PRKAG2: variants seen among roughly 807,000 people sequenced by gnomAD.
The protein encoded by PRKAG2 is protein kinase AMP-activated non-catalytic subunit gamma 2.
In PRKAG2, 26 loss-of-function variants were observed where a neutral mutation model predicts 69.6. The ratio of observed to expected loss-of-function variants is 0.37; its 90% CI spans 0.27 to 0.52. The LOEUF is 0.52. Among genes scored for constraint, PRKAG2 ranks in the 20% least tolerant of loss-of-function variants. PRKAG2 has a pLI of 0.90. For synonymous variants in PRKAG2, 293 were observed against 285.0 expected, an observed-to-expected ratio of 1.03 and a Z score of -0.28; for missense variants, 557 against 740.0, an observed-to-expected ratio of 0.75 and a Z score of 2.87.
intron 3 of PRKAG2, among the ~76,000 whole-genome samples, chr7:151,688,868 T>A (rs537509274): frequency 6.6e-6 from 1 of 152,250 alleles, no homozygotes; most frequent in African/African-American, 2.4e-5. Context: ...GTTTTAGGAA[T>A]CTGTATTCCG....
chr7:151,649,353 T>G (rs527438778), intron 4 of PRKAG2, among the ~76,000 whole-genome samples: 1 of 152,196 alleles, frequency 6.6e-6, no homozygotes, highest in African/African-American at 2.4e-5. Flanking sequence ...CTTGAACTCC[T>G]GATCTCAAGT....
intron 5 of PRKAG2, among the ~76,000 whole-genome samples, chr7:151,623,492 C>T (rs546505210): frequency 1.1e-3 from 169 of 150,762 alleles, no homozygotes; most frequent in Non-Finnish European, 1.9e-3. Flanking sequence ...TGATAGGAGG[C>T]GGAGCTCGGG....
intron 14 of PRKAG2, among the ~76,000 whole-genome samples, chr7:151,560,976 C>T (rs1426688538): frequency 6.6e-6 from 1 of 152,106 alleles, no homozygotes; most frequent in East Asian, 1.9e-4. Flanking sequence ...GGAAAGTAGC[C>T]ACAGACAGAC....
chr7:151,619,237 A>T (rs1820895781), intron 5 of PRKAG2, among the ~76,000 whole-genome samples: 1 of 152,220 alleles, frequency 6.6e-6, no homozygotes, highest in Admixed American at 6.5e-5. Context: ...CAGGGAAGAA[A>T]ACCCAGTGAT....
intron 1 of PRKAG2, among the ~76,000 whole-genome samples, chr7:151,796,405 T>C (rs1215216050): frequency 6.6e-6 from 1 of 152,170 alleles, no homozygotes; most frequent in East Asian, 1.9e-4. Context: ...CAACAGGAAA[T>C]GGCCAAATGT....
Position 151,835,603 on chromosome 7 carries a change from C to T in PRKAG2, c.114+40904G>A, listed in dbSNP as rs960305538. Among the ~76,000 whole-genome samples, 1 of 152,178 alleles carries T rather than the reference C, an allele frequency of 6.6e-6. No homozygotes were observed. Among genetic ancestry groups the T allele is most frequent in the Non-Finnish European group, 1.5e-5 (1 of 68,036 alleles). ...GGGAGCCTTCCTAAAGGCGTAAGCTCGCCTTTAGGAACCACTCTCGTTGTG... is the reference window on the plus strand; with the variant it reads ...GGGAGCCTTCCTAAAGGCGTAAGCTTGCCTTTAGGAACCACTCTCGTTGTG... On this transcript the variant is annotated intron_variant, in intron 1 of 15. Coordinates refer to ENST00000287878, the MANE Select transcript of PRKAG2 (RefSeq NM_016203.4). This position sits in a 1 kb window ranked among gnomAD's most constrained non-coding sequence, Gnocchi z 4.1.
chr7:151,856,453 T>C (rs1028546898), intron 1 of PRKAG2, among the ~76,000 whole-genome samples: 4 of 152,048 alleles, frequency 2.6e-5, no homozygotes, highest in African/African-American at 9.7e-5. Flanking sequence ...CAAATTAGGA[T>C]GTAGGGGGAG....
At chr7:151,791,426 G>A (rs1234375340) in intron 1 of PRKAG2, among the ~76,000 whole-genome samples, 1 of 152,188 alleles carries the variant, frequency 6.6e-6, no homozygotes, top group African/African-American at 2.4e-5. Flanking sequence ...TCTACTCCCA[G>A]TCCAGTCCCT....
chr7:151,623,820 G>C (rs1822144228), intron 5 of PRKAG2, among the ~76,000 whole-genome samples: 2 of 152,108 alleles, frequency 1.3e-5, no homozygotes, highest in African/African-American at 2.4e-5. Context: ...TACATCGTAT[G>C]TATGTATAAG....
chr7:151,761,934 G>C (rs1183389016), intron 3 of PRKAG2, among the ~76,000 whole-genome samples: 3 of 152,182 alleles, frequency 2.0e-5, no homozygotes, highest in Non-Finnish European at 4.4e-5. Flanking sequence ...TTGTTGTTAG[G>C]GGACGCACGT....
chr7:151,676,472 G>C (rs1390609437), intron 3 of PRKAG2, among the ~76,000 whole-genome samples: 2 of 152,056 alleles, frequency 1.3e-5, no homozygotes, highest in African/African-American at 4.8e-5. Context: ...AATGGGAGGG[G>C]CAACGGTGTT....
Position 151,574,843 on chromosome 7 carries a change from T to TAGCTGTACATACA in PRKAG2, c.1005+47_1005+48insTGTATGTACAGCT, listed in dbSNP as rs1444301345. 1.9e-6 allele frequency: 3 copies of TAGCTGTACATACA among 1,612,696 alleles called. No homozygotes were observed. The African/African-American group carries it at 4.0e-5, about 22-fold the overall frequency. On this transcript the variant is annotated intron_variant, in intron 8 of 15. Transcript: ENST00000287878. Reference sequence around the variant, plus strand: ...ACACACATATACCTACACACATACATAGATACGTACAGCTCCAACTACTGA... The same window carrying TAGCTGTACATACA: ...ACACACATATACCTACACACATACATAGCTGTACATACAAGATACGTACAGCTCCAACTACTGA...
At chr7:151,876,331 G>T (rs1204382663) in intron 1 of PRKAG2, among the ~76,000 whole-genome samples, 176 bp downstream of exon 1, 3 of 152,030 alleles carry the variant, frequency 2.0e-5, no homozygotes, top group African/African-American at 7.2e-5. Context: ...GAGAGATTGA[G>T]CCCCGGCTCC....
At position 151,850,170 on chromosome 7, in the gene PRKAG2, C is replaced by T. The variant is rs532117383; in HGVS notation, c.114+26337G>A. ...AAGCGGGAGGGGGGTGCAGGGGAAC[C>T]GTAGCACCAATTACCCATAGTGGGC... On this transcript the variant is annotated intron_variant, in intron 1 of 15. Coordinates refer to ENST00000287878, the MANE Select transcript of PRKAG2 (RefSeq NM_016203.4). The surrounding 1 kb of genome is among the most constrained non-coding windows in gnomAD (Gnocchi z 4.1). 5.1e-4 allele frequency among the ~76,000 whole-genome samples: 77 copies of T among 152,246 alleles called. No individual in the cohort carries two copies. The highest frequency in any genetic ancestry group is 1.7e-3 in the African/African-American group (70 of 41,536).
rs955795886 is a variant in PRKAG2 at position 151,863,184 on chromosome 7, G to A, written c.114+13323C>T. On this transcript the variant is annotated intron_variant, in intron 1 of 15. Transcript: ENST00000287878. ...AGGGGGCGCTGGTAGATCCCCGGGT[G>A]CAGGGGGTGCTGGTAGGTCCCCGGG... Among the ~76,000 whole-genome samples the A allele has an allele frequency of 5.4e-4, 81 of 150,920 alleles. 1 individual carries two copies. The highest frequency in any genetic ancestry group is 8.9e-5 in the Non-Finnish European group (6 of 67,634).
At chr7:151,783,088 T>C (rs1190762561) in intron 2 of PRKAG2, among the ~76,000 whole-genome samples, 1 of 152,166 alleles carries the variant, frequency 6.6e-6, no homozygotes, top group African/African-American at 2.4e-5. Flanking sequence ...CCTGGGGACG[T>C]TCTTCCGCCA....
At chr7:151,842,849 G>C (rs997872451) in intron 1 of PRKAG2, among the ~76,000 whole-genome samples, 6 of 151,848 alleles carry the variant, frequency 4.0e-5, no homozygotes, top group Non-Finnish European at 8.8e-5. Flanking sequence ...GATTGTGAAG[G>C]CTTCAGAACT....
At position 151,840,076 on chromosome 7, in the gene PRKAG2, C is replaced by G. The variant is rs180810309; in HGVS notation, c.114+36431G>C. The stretch of plus-strand genomic sequence containing the variant: ...ACTGTATTTGTACCCTGAGTGTGTG[C>G]GCCAGTCCTTGAGGGCATTACATTT... On this transcript the variant is annotated intron_variant, in intron 1 of 15. Coordinates refer to ENST00000287878, the MANE Select transcript of PRKAG2 (RefSeq NM_016203.4). Among the ~76,000 whole-genome samples the G allele has an allele frequency of 5.3e-5, 8 of 152,284 alleles. No homozygotes were observed. The South Asian group carries it at 1.7e-3, about 32-fold the overall frequency.
rs542913328 is a variant in PRKAG2, at chr7:151,658,015, G to A, written c.684+17405C>T. Among the ~76,000 whole-genome samples, 11 of 151,894 alleles carry A rather than the reference G, an allele frequency of 7.2e-5. No homozygotes were observed. The South Asian group carries it at 2.3e-3, about 32-fold the overall frequency. The stretch of plus-strand genomic sequence containing the variant: ...TCTACTAAAAATACAAAAATTAGCT[G>A]GGCATGGTGGCGCACGCATGTAGTC... On this transcript the variant is annotated intron_variant, in intron 4 of 15. Coordinates refer to ENST00000287878, the MANE Select transcript of PRKAG2 (RefSeq NM_016203.4).
Sources: gnomAD v4.1 joint callset for allele counts (sites outside exome capture counted in the v4.1 genomes callset) on GRCh38, gnomAD v4.1.1 for gene constraint, Gnocchi (gnomAD v3.1) non-coding constraint, MANE v1.5 for transcripts, NCBI Gene and HGNC (gene_info 2026-07-23, HGNC 2026-07-21) for gene names.